The following DRC8 variants were observed in gnomAD, a reference collection of about 807,000 sequenced individuals.
DRC8 encodes the protein dynein regulatory complex protein 8.
the DRC8 span, among the ~76,000 whole-genome samples, chr1:245,033,861 AC>A: frequency 6.6e-6 from 1 of 151,984 alleles, no homozygotes. Flanking sequence ...AGCTGGAATT[AC>A]AGGCGTGCAC....
At chr1:245,008,336 A>T in the DRC8 span, among the ~76,000 whole-genome samples, 1 of 152,228 alleles carries the variant, frequency 6.6e-6, no homozygotes, top group African/African-American at 2.4e-5. Flanking sequence ...TATGTAAAAA[A>T]ATTTATAAGA....
the DRC8 span, among the ~76,000 whole-genome samples, chr1:245,107,453 C>T: frequency 2.0e-5 from 3 of 152,332 alleles, no homozygotes; most frequent in South Asian, 2.1e-4. Flanking sequence ...CGGAGGACCT[C>T]GCCTCTTATT....
At chr1:245,053,671 T>C in the DRC8 span, among the ~76,000 whole-genome samples, 1 of 152,200 alleles carries the variant, frequency 6.6e-6, no homozygotes, top group African/African-American at 2.4e-5. Flanking sequence ...TCATCAGGCC[T>C]TTGTGATTCG....
At chr1:245,113,494 A>G in the DRC8 span, among the ~76,000 whole-genome samples, 1 of 152,212 alleles carries the variant, frequency 6.6e-6, no homozygotes, top group African/African-American at 2.4e-5. Context: ...CGAGAAACAG[A>G]AAAGTTGAAG....
chr1:245,111,895 G>A, the DRC8 span, among the ~76,000 whole-genome samples: 3 of 152,070 alleles, frequency 2.0e-5, no homozygotes, highest in Non-Finnish European at 4.4e-5. Context: ...AAATTAGCTG[G>A]GTGTGGCACG....
At chr1:245,014,031 CAA>C in the DRC8 span, among the ~76,000 whole-genome samples, 2 of 93,148 alleles carry the variant, frequency 2.1e-5, no homozygotes, top group Non-Finnish European at 3.9e-5. Flanking sequence ...GACTCCATCT[CAA>C]AAAAAAAAAA....
the DRC8 span, among the ~76,000 whole-genome samples, chr1:245,083,195 G>T: frequency 2.6e-5 from 4 of 152,276 alleles, no homozygotes; most frequent in East Asian, 3.9e-4. Flanking sequence ...TCATAGGAAT[G>T]CGAACCCTAT....
chr1:245,056,573 A>G, the DRC8 span, among the ~76,000 whole-genome samples: 1 of 152,252 alleles, frequency 6.6e-6, no homozygotes, highest in Non-Finnish European at 1.5e-5. Flanking sequence ...AGGAGTTTGC[A>G]TAGTCTATCA....
the DRC8 span, among the ~76,000 whole-genome samples, chr1:245,049,440 A>C: frequency 6.6e-6 from 1 of 152,114 alleles, no homozygotes; most frequent in African/African-American, 2.4e-5. This position sits in a 1 kb window ranked among gnomAD's most constrained non-coding sequence, Gnocchi z 4.5. Flanking sequence ...ACAGTACAAA[A>C]CTGATATTTT....
At chr1:245,070,748 T>TG in the DRC8 span, among the ~76,000 whole-genome samples, 4 of 152,216 alleles carry the variant, frequency 2.6e-5, no homozygotes, top group African/African-American at 9.7e-5. Context: ...TATGATGCTG[T>TG]GGTCAGAATG....
chr1:245,012,506 A>G, the DRC8 span, among the ~76,000 whole-genome samples: 2 of 139,116 alleles, frequency 1.4e-5, no homozygotes, highest in African/African-American at 3.4e-5. Flanking sequence ...TAATTAATAC[A>G]TTTTTCAGGA....
chr1:245,121,198 T>C, the DRC8 span, among the ~76,000 whole-genome samples: 1 of 152,308 alleles, frequency 6.6e-6, no homozygotes. Flanking sequence ...AGTGATATAA[T>C]AGGGAAATAC....
At chr1:244,995,309 C>T in the DRC8 span, among the ~76,000 whole-genome samples, 14,082 of 151,148 alleles carry the variant, frequency 0.093, 843 homozygotes, top group East Asian at 0.25. Flanking sequence ...TGCAGTGAGC[C>T]GAGATTGTGC....
the DRC8 span, among the ~76,000 whole-genome samples, chr1:245,035,909 C>T: frequency 6.6e-6 from 1 of 151,094 alleles, no homozygotes; most frequent in Admixed American, 6.6e-5. Context: ...TAAAAGATCT[C>T]AATAAAGAGC....
chr1:245,023,643 AT>A, the DRC8 span, among the ~76,000 whole-genome samples: 1 of 152,010 alleles, frequency 6.6e-6, no homozygotes, highest in East Asian at 1.9e-4. Context: ...TTTGATTTGC[AT>A]TTTCCTAATG....
At chr1:245,089,684 A>T in the DRC8 span, among the ~76,000 whole-genome samples, 1 of 152,118 alleles carries the variant, frequency 6.6e-6, no homozygotes, top group African/African-American at 2.4e-5. This position sits in a 1 kb window ranked among gnomAD's most constrained non-coding sequence, Gnocchi z 4.8. Flanking sequence ...TAAGGAATGG[A>T]TGTGAGAAGG....
At chr1:245,048,923 T>G in the DRC8 span, among the ~76,000 whole-genome samples, 1 of 152,040 alleles carries the variant, frequency 6.6e-6, no homozygotes, top group African/African-American at 2.4e-5. Context: ...CCACCCCAGT[T>G]TCCCAAGTAG....
At chr1:245,036,357 G>A in the DRC8 span, among the ~76,000 whole-genome samples, 1 of 152,166 alleles carries the variant, frequency 6.6e-6, no homozygotes, top group African/African-American at 2.4e-5. Context: ...TAGGATGGCT[G>A]TAATTTTAAA....
At chr1:244,971,275 C>G in the DRC8 span, among the ~76,000 whole-genome samples, 1 of 152,172 alleles carries the variant, frequency 6.6e-6, no homozygotes. Flanking sequence ...TGGTTGAGAT[C>G]TTGGAACCGC....
Sources: gnomAD v4.1 joint callset for allele counts (sites outside exome capture counted in the v4.1 genomes callset) on GRCh38, gnomAD v4.1.1 for gene constraint, Gnocchi (gnomAD v3.1) non-coding constraint, MANE v1.5 for transcripts, NCBI Gene and HGNC (gene_info 2026-07-23, HGNC 2026-07-21) for gene names.